The following MYO1D variants were observed in gnomAD, a reference collection of about 807,000 sequenced individuals.
The protein encoded by MYO1D is unconventional myosin-Id.
A neutral mutation model predicts 122.0 loss-of-function variants in MYO1D; 83 were observed. The observed-to-expected ratio is 0.68, with a 90% CI of 0.57 to 0.82. The LOEUF is 0.82. Ranked by LOEUF, MYO1D falls within the 40% of genes least tolerant of loss-of-function variation. The probability of loss-of-function intolerance (pLI) is 0.00; values close to 1 mark genes in which losing one functional copy is unlikely to be tolerated. For synonymous variants in MYO1D, 464 were observed against 446.9 expected, an observed-to-expected ratio of 1.04 and a Z score of -0.48; for missense variants, 1,157 against 1,269.5, an observed-to-expected ratio of 0.91 and a Z score of 1.35.
intron 14 of MYO1D, among the ~76,000 whole-genome samples, chr17:32,725,967 CT>C (rs1416627949): frequency 4.6e-5 from 7 of 152,330 alleles, no homozygotes; most frequent in Admixed American, 4.6e-4. Context: ...CCAAAAGACA[CT>C]GCTAACGTAG....
intron 3 of MYO1D, 48 bp downstream of exon 3, chr17:32,778,432 A>C (rs748293947): frequency 3.1e-5 from 49 of 1,564,110 alleles, no homozygotes; most frequent in Non-Finnish European, 3.9e-5. Flanking sequence ...AAGTCCATAG[A>C]GAAAACAGAG....
At chr17:32,851,371 T>G (rs1380929800) in intron 1 of MYO1D, among the ~76,000 whole-genome samples, 2 of 152,288 alleles carry the variant, frequency 1.3e-5, no homozygotes, top group East Asian at 3.9e-4. Flanking sequence ...CTCAAGCATC[T>G]TGTTCCATCA....
intron 12 of MYO1D, 21 bp from the exon 13 acceptor site, chr17:32,745,306 A>G: frequency 6.9e-7 from 1 of 1,455,650 alleles, no homozygotes. Flanking sequence ...AAAATCACAG[A>G]AAACATGTAT....
chr17:32,609,282 A>T (rs1567908223), intron 20 of MYO1D, among the ~76,000 whole-genome samples: 1 of 152,134 alleles, frequency 6.6e-6, no homozygotes, highest in Non-Finnish European at 1.5e-5. Context: ...CCGAAGTGCC[A>T]CCTCCTGGCT....
chr17:32,494,363 G>C lies in MYO1D; in HGVS notation c.*396C>G, dbSNP rs924097021. On this transcript the variant is annotated 3_prime_UTR_variant, in exon 22 of 22. Transcript: ENST00000318217. Reference sequence around the variant, plus strand: ...GAGAGGTGGCTATGGGGCTCCCGCAGAGTGGGGTCCTGCATCCCCACCCCT... The same window carrying C: ...GAGAGGTGGCTATGGGGCTCCCGCACAGTGGGGTCCTGCATCCCCACCCCT... The C allele has an allele frequency of 2.3e-5, 4 of 174,272 alleles. No individual in the cohort carries two copies. The highest frequency in any genetic ancestry group is 9.5e-5 in the African/African-American group (4 of 42,138). 10.8% of individuals were successfully genotyped at this position (174,272 alleles called of 1,614,324 possible).
chr17:32,755,964 C>T (rs1490098265), intron 10 of MYO1D, among the ~76,000 whole-genome samples: 1 of 152,164 alleles, frequency 6.6e-6, no homozygotes, highest in Non-Finnish European at 1.5e-5. Context: ...CCTCCAGATC[C>T]CACACCCAAC....
In MYO1D at chr17:32,641,059, A is replaced by G. The variant is rs190230239; in HGVS notation, c.2596-2224T>C. Among the ~76,000 whole-genome samples, 47 of 148,436 alleles carry G rather than the reference A, an allele frequency of 3.2e-4. No individual in the cohort carries two copies. The East Asian group carries it at 7.5e-3, about 24-fold the overall frequency. Reference sequence around the variant, plus strand: ...CATTAACTCGTCATTTAAATTAGGTATATCTCCTAATGCTATCCCTCCCCC... The same window carrying G: ...CATTAACTCGTCATTTAAATTAGGTGTATCTCCTAATGCTATCCCTCCCCC... On this transcript the variant is annotated intron_variant, in intron 19 of 21. Coordinates refer to ENST00000318217, the MANE Select transcript of MYO1D (RefSeq NM_015194.3).
At chr17:32,556,132 C>A (rs2087066667) in intron 21 of MYO1D, among the ~76,000 whole-genome samples, 1 of 152,204 alleles carries the variant, frequency 6.6e-6, no homozygotes, top group African/African-American at 2.4e-5. Flanking sequence ...ATGGCAGGTG[C>A]ACGTAGTTAT....
At chr17:32,758,825 G>C (rs980989526) in intron 10 of MYO1D, among the ~76,000 whole-genome samples, 1 of 152,146 alleles carries the variant, frequency 6.6e-6, no homozygotes, top group African/African-American at 2.4e-5. Context: ...CTTGGAGTTA[G>C]CCTTCTGCTC....
At chr17:32,501,545 T>C (rs892702445) in intron 21 of MYO1D, among the ~76,000 whole-genome samples, 25 of 152,166 alleles carry the variant, frequency 1.6e-4, no homozygotes, top group African/African-American at 4.8e-4. Flanking sequence ...CAGTTGTCCA[T>C]GCTTCAATCA....
At chr17:32,560,545 A>C (rs796616837) in intron 21 of MYO1D, among the ~76,000 whole-genome samples, 10,659 of 95,504 alleles carry the variant, frequency 0.11, 1,509 homozygotes, top group East Asian at 0.23. Flanking sequence ...ATATATATAT[A>C]TATATATATA....
At chr17:32,635,558 TG>T (rs756800419) in intron 20 of MYO1D, among the ~76,000 whole-genome samples, 31 of 152,136 alleles carry the variant, frequency 2.0e-4, no homozygotes, top group Non-Finnish European at 4.3e-4. Context: ...CTGGGCACGG[TG>T]GCAGGTGCCT....
At chr17:32,754,201 A>G (rs2151012406) in intron 11 of MYO1D, among the ~76,000 whole-genome samples, 1 of 152,350 alleles carries the variant, frequency 6.6e-6, no homozygotes, top group Middle Eastern at 3.4e-3. Flanking sequence ...CCTCAAAGAT[A>G]GGACATTTGC....
intron 20 of MYO1D, among the ~76,000 whole-genome samples, chr17:32,628,163 C>G (rs983913259): frequency 2.6e-5 from 4 of 152,178 alleles, no homozygotes; most frequent in African/African-American, 9.7e-5. Context: ...ACCCTACTGT[C>G]CCTGTAAAAA....
chr17:32,530,162 C>T (rs904303938), intron 21 of MYO1D: 3 of 152,136 alleles, frequency 2.0e-5, no homozygotes, highest in South Asian at 4.1e-4. Context: ...GCAAGGAGCC[C>T]GATCTGTGTT....
chr17:32,631,282 T>C (rs2088002371), intron 20 of MYO1D, among the ~76,000 whole-genome samples: 1 of 152,138 alleles, frequency 6.6e-6, no homozygotes, highest in Non-Finnish European at 1.5e-5. Context: ...ATGGAATAAT[T>C]TTACTTCTAC....
intron 1 of MYO1D, among the ~76,000 whole-genome samples, chr17:32,808,124 G>A (rs1567651923): frequency 6.6e-6 from 1 of 152,038 alleles, no homozygotes; most frequent in Non-Finnish European, 1.5e-5. Context: ...TACTAAATTT[G>A]ATGTTTTGGA....
Position 32,767,650 on chromosome 17 carries a change from C to T in MYO1D, c.817G>A (p.Ala273Thr), listed in dbSNP as rs2090071310. Residue 273 changes from alanine to threonine, a missense_variant, in exon 7 of 22, where the codon GCT becomes ACT. Coordinates refer to ENST00000318217, the MANE Select transcript of MYO1D (RefSeq NM_015194.3). ...EIQTVYKILA[A>T]ILHLGNLKFV... ...TCCCTACTCACCAAGTGCAGAATAG[C>T]AGCCAAAATCTTATACACTGTTTGG... The T allele has an allele frequency of 6.2e-7, 1 of 1,609,346 alleles. No individual in the cohort carries two copies. The highest frequency in any genetic ancestry group is 1.3e-5 in the African/African-American group (1 of 74,906).
intron 21 of MYO1D, among the ~76,000 whole-genome samples, chr17:32,543,393 G>A (rs1245022167): frequency 6.6e-6 from 1 of 150,752 alleles, no homozygotes; most frequent in African/African-American, 2.4e-5. Flanking sequence ...TGGCTAACAC[G>A]GTGAAACCCT....
Sources: gnomAD v4.1 joint callset for allele counts (sites outside exome capture counted in the v4.1 genomes callset) on GRCh38, gnomAD v4.1.1 for gene constraint, MANE v1.5 for transcripts, NCBI Gene and HGNC (gene_info 2026-07-23, HGNC 2026-07-21) for gene names.